The following CCDC3 variants were observed in gnomAD, a reference collection of about 807,000 sequenced individuals.
CCDC3 encodes the protein coiled-coil domain containing 3, also known as coiled-coil domain-containing protein 3.
Under a neutral mutation model 21.4 loss-of-function variants are expected in CCDC3, and 24 were observed. The ratio of observed to expected loss-of-function variants is 1.12; its 90% CI spans 0.81 to 1.58. The LOEUF is 1.58. Ranked by LOEUF, CCDC3 falls within the 40% of genes most tolerant of loss-of-function variation. The probability of loss-of-function intolerance (pLI) is 0.00; values close to 1 mark genes in which losing one functional copy is unlikely to be tolerated. For missense variants in CCDC3, 425 were observed against 360.9 expected (o/e 1.18, Z -1.44); for synonymous variants, 186 against 166.0 (o/e 1.12, Z -0.93).
At chr10:13,093,687 A>T (rs1832601727) in intron 3 of CCDC3, among the ~76,000 whole-genome samples, 1 of 152,162 alleles carries the variant, frequency 6.6e-6, no homozygotes, top group Non-Finnish European at 1.5e-5. Flanking sequence ...GGTAGGGCCG[A>T]GGTAGCCTGA....
chr10:12,907,475 T>C, intron 2 of CCDC3, among the ~76,000 whole-genome samples: 1 of 151,998 alleles, frequency 6.6e-6, no homozygotes, highest in East Asian at 1.9e-4. Flanking sequence ...CAAAACCCCA[T>C]CTCTACTAAA....
At chr10:12,988,172 A>T (rs1835626521) in intron 2 of CCDC3, among the ~76,000 whole-genome samples, 1 of 152,070 alleles carries the variant, frequency 6.6e-6, no homozygotes, top group Non-Finnish European at 1.5e-5. Context: ...GCCAATGCTC[A>T]TTCCTATTTT....
intron 2 of CCDC3, among the ~76,000 whole-genome samples, chr10:12,900,259 G>C (rs1834071471): frequency 1.3e-5 from 2 of 152,100 alleles, no homozygotes; most frequent in Admixed American, 6.5e-5. Flanking sequence ...CTTTATATGT[G>C]TGTGTGAGCA....
Position 12,998,485 on chromosome 10 carries a change from A to G in CCDC3, c.402T>C (p.Pro134=). The change falls in exon 2 of 3, where the codon CCT becomes CCC. Residue 134 remains proline (P), a synonymous_variant. Transcript: ENST00000378825. ...TGGCATCTTGGAAATTGACTCCGTG[A>G]GGCAAGAGGTTATAATTTTCATCCA... ...LRMDENYNLL[P]HGVNFQDAIF... 6.2e-7 allele frequency: 1 copy of G among 1,614,126 alleles called. No individual in the cohort carries two copies. The highest frequency in any genetic ancestry group is 8.5e-7 in the Non-Finnish European group (1 of 1,180,008).
At chr10:13,042,057 A>C (rs1836464581) in intron 5 of CCDC3, among the ~76,000 whole-genome samples, 3 of 152,200 alleles carry the variant, frequency 2.0e-5, no homozygotes, top group Admixed American at 1.3e-4. Flanking sequence ...GTCTAAAAGA[A>C]GACTCTCCAG....
chr10:13,058,066 A>G (rs1426157661), intron 4 of CCDC3: 2 of 754,390 alleles, frequency 2.7e-6, no homozygotes, highest in African/African-American at 3.4e-5. Context: ...TGTAATCTGC[A>G]ACATTCTGGC....
intron 5 of CCDC3, among the ~76,000 whole-genome samples, chr10:13,022,647 G>T (rs965713724): frequency 6.6e-6 from 1 of 152,152 alleles, no homozygotes; most frequent in Admixed American, 6.5e-5. Context: ...CTCAATCTGA[G>T]CATCCATTAT....
At chr10:12,966,967 G>A (rs1475802896) in intron 2 of CCDC3, among the ~76,000 whole-genome samples, 1 of 152,188 alleles carries the variant, frequency 6.6e-6, no homozygotes, top group African/African-American at 2.4e-5. Flanking sequence ...GAACTGTCCA[G>A]GGTAACAGCC....
At chr10:13,057,291 TAAA>T (rs910834426) in intron 4 of CCDC3, among the ~76,000 whole-genome samples, 3 of 151,484 alleles carry the variant, frequency 2.0e-5, no homozygotes, top group Non-Finnish European at 4.4e-5. Flanking sequence ...GACCTTGTCT[TAAA>T]AAAAACAATA....
At chr10:13,018,758 C>A (rs1836104815) in intron 5 of CCDC3, among the ~76,000 whole-genome samples, 1 of 151,448 alleles carries the variant, frequency 6.6e-6, no homozygotes, top group South Asian at 2.1e-4. Flanking sequence ...TGGCGAAACC[C>A]CGTCTCTACT....
chr10:12,971,461 A>G (rs1028272263), intron 2 of CCDC3, among the ~76,000 whole-genome samples: 2 of 152,130 alleles, frequency 1.3e-5, no homozygotes, highest in African/African-American at 4.8e-5. Context: ...GAAGGAACCC[A>G]CACTCTAGGT....
At chr10:13,051,193 CT>C (rs1309018161) in intron 4 of CCDC3, among the ~76,000 whole-genome samples, 1 of 152,142 alleles carries the variant, frequency 6.6e-6, no homozygotes, top group East Asian at 1.9e-4. Context: ...CCGACTTACT[CT>C]ATTCTATCTT....
intron 2 of CCDC3, among the ~76,000 whole-genome samples, chr10:12,925,421 T>A (rs985397436): frequency 3.3e-5 from 5 of 152,158 alleles, no homozygotes; most frequent in African/African-American, 1.2e-4. Flanking sequence ...ACCTCTTGAG[T>A]TGCATATTTC....
intron 1 of CCDC3, among the ~76,000 whole-genome samples, chr10:13,000,622 T>C (rs972806972): frequency 1.3e-5 from 2 of 152,106 alleles, no homozygotes; most frequent in Non-Finnish European, 2.9e-5. Flanking sequence ...ACCATTCACA[T>C]CTTGGCATTT....
At chr10:12,925,705 C>A (rs1218416025) in intron 2 of CCDC3, among the ~76,000 whole-genome samples, 1 of 135,736 alleles carries the variant, frequency 7.4e-6, no homozygotes, top group Non-Finnish European at 1.7e-5. Flanking sequence ...GTGCACACAG[C>A]CATTGTATCT....
chr10:12,907,653 G>T (rs34321514), intron 2 of CCDC3, among the ~76,000 whole-genome samples: 30,168 of 151,716 alleles, frequency 0.2, 3,773 homozygotes, highest in Non-Finnish European at 0.28. Context: ...CAAAGAAAAA[G>T]AAAAAAGAAG....
intron 2 of CCDC3, among the ~76,000 whole-genome samples, chr10:12,951,700 G>C (rs1835010364): frequency 6.7e-6 from 1 of 148,906 alleles, no homozygotes; most frequent in African/African-American, 2.5e-5. Flanking sequence ...AGTTACTCAG[G>C]AGGCTGAGGC....
At chr10:13,012,651 G>A (rs534777074) in intron 5 of CCDC3, among the ~76,000 whole-genome samples, 1 of 152,030 alleles carries the variant, frequency 6.6e-6, no homozygotes, top group Non-Finnish European at 1.5e-5. Context: ...AACTGTTGTA[G>A]TCCCAGCTAC....
intron 4 of CCDC3, among the ~76,000 whole-genome samples, chr10:13,064,864 G>C (rs1588412362): frequency 6.6e-6 from 1 of 152,226 alleles, no homozygotes; most frequent in Middle Eastern, 3.4e-3. Context: ...AAGGCTTCTA[G>C]GTCACAGGTA....
Sources: gnomAD v4.1 joint callset for allele counts (sites outside exome capture counted in the v4.1 genomes callset) on GRCh38, gnomAD v4.1.1 for gene constraint, MANE v1.5 for transcripts, NCBI Gene and HGNC (gene_info 2026-07-23, HGNC 2026-07-21) for gene names.